CNBP: variants seen among roughly 807,000 people sequenced by gnomAD.
CNBP encodes the protein CCHC-type zinc finger nucleic acid binding protein.
In CNBP, 6 loss-of-function variants were observed where a neutral mutation model predicts 21.2. The ratio of observed to expected loss-of-function variants is 0.28; its 90% CI spans 0.16 to 0.56. CNBP has a LOEUF of 0.56. CNBP is among the 20% of genes least tolerant of loss of function. CNBP has a pLI of 0.93. For missense variants in CNBP, 112 were observed against 233.1 expected (o/e 0.48, Z 3.38); for synonymous variants, 61 against 74.9 (o/e 0.81, Z 0.96).
rs1239099805 is a variant in CNBP at position 129,171,699 on chromosome 3, G to A, written c.59C>T (p.Pro20Leu). ...GRSGHWARECPTGGGRGRGMR... is the reference protein window; with the variant it reads ...GRSGHWARECLTGGGRGRGMR... The stretch of plus-strand genomic sequence containing the variant: ...TCCACGACCACGGCCTCCACCAGTA[G>A]GACATTCCCGGGCCCAGTGGCCAGA... Residue 20 changes from proline (P) to leucine (L), a missense_variant, in exon 2 of 5, where the codon CCT becomes CTT. By Grantham distance (98) the Pro-to-Leu change is moderately conservative. Transcript: ENST00000422453. 3.1e-6 allele frequency: 5 copies of A among 1,614,138 alleles called. No homozygotes were observed. In the South Asian group the frequency reaches 4.4e-5, roughly 14 times the overall value.
intron 1 of CNBP, among the ~76,000 whole-genome samples, chr3:129,179,099 G>A (rs1166531738): frequency 6.6e-6 from 1 of 151,876 alleles, no homozygotes; most frequent in East Asian, 1.9e-4. Context: ...CCAACATGGA[G>A]AAATCCCGTC....
intron 1 of CNBP, among the ~76,000 whole-genome samples, chr3:129,172,489 G>C (rs1354148665): frequency 6.6e-6 from 1 of 152,204 alleles, no homozygotes; most frequent in Non-Finnish European, 1.5e-5. Context: ...GGCTGAGGCA[G>C]AAGAATCGCT....
intron 1 of CNBP, among the ~76,000 whole-genome samples, chr3:129,174,349 T>A (rs1420992915): frequency 2.5e-3 from 159 of 63,168 alleles, no homozygotes; most frequent in Non-Finnish European, 2.9e-3. Context: ...GAGTCAGAAT[T>A]AAAAAAAAAA....
chr3:129,170,300 G>GT lies in CNBP; in HGVS notation c.*152dup. 1 of 667,200 alleles carries GT rather than the reference G, an allele frequency of 1.5e-6. No individual in the cohort carries two copies. The allele number at this position is 667,200 out of a possible 1,614,324, so 41.3% of individuals were successfully genotyped here. A position where few individuals can be genotyped will look rare whatever the true frequency, so the allele number is the denominator to read the frequency against. ...TTTTGTAGTTAAATGCAGAAAGTCG[G>GT]TTTTTTTCCACCCCTTTCCTCCTTT... On this transcript the variant is annotated 3_prime_UTR_variant, in exon 5 of 5. Transcript: ENST00000422453.
chr3:129,181,027 G>A lies in CNBP; in HGVS notation c.-15+2749C>T, dbSNP rs557997951. On this transcript the variant is annotated intron_variant, in intron 1 of 4. Coordinates refer to ENST00000422453, the MANE Select transcript of CNBP (RefSeq NM_003418.5). ...GGCCGAGGCGGGTGAATTACCTGAG[G>A]TCAGGAGATCAAGACCAGCCTGGCC... 5.4e-4 allele frequency among the ~76,000 whole-genome samples: 82 copies of A among 151,364 alleles called. 1 individual carries two copies. The highest frequency in any genetic ancestry group is 2.0e-3 in the African/African-American group (81 of 41,280).
chr3:129,171,120 G>C lies in CNBP; in HGVS notation c.375C>G (p.Phe125Leu). 1 of 1,614,072 alleles carries C rather than the reference G, an allele frequency of 6.2e-7. No individual in the cohort carries two copies. Among genetic ancestry groups the C allele is most frequent in the Admixed American group, 1.7e-5 (1 of 60,010 alleles). ...DEQKCYSCGEFGHIQKDCTKV... is the reference protein window; with the variant it reads ...DEQKCYSCGELGHIQKDCTKV... ...TGGTGCAGTCTTTTTGAATGTGTCC[G>C]AATTCTCCACAAGAATAGCATTTCT... Residue 125 changes from phenylalanine (F) to leucine (L), a missense_variant, in exon 4 of 5, where the codon TTC becomes TTG. Coordinates refer to ENST00000422453, the MANE Select transcript of CNBP (RefSeq NM_003418.5).
chr3:129,179,059 C>G (rs1938111758), intron 1 of CNBP, among the ~76,000 whole-genome samples: 1 of 152,036 alleles, frequency 6.6e-6, no homozygotes, highest in South Asian at 2.1e-4. Context: ...GGGTGGATCA[C>G]CAAAGGTCGG....
At position 129,183,851 on chromosome 3, in the gene CNBP, C is replaced by T. The variant is rs951994353; in HGVS notation, c.-90G>A. ...GGGAAGACGGCTCGCAAGGTAGAGG[C>T]TGTTTATTTTGAGGGTCCTTGCCTG... On this transcript the variant is annotated 5_prime_UTR_variant, in exon 1 of 5. Transcript: ENST00000422453. The T allele has an allele frequency of 3.3e-5, 5 of 152,864 alleles. No homozygotes were observed. The highest frequency in any genetic ancestry group is 5.9e-5 in the Non-Finnish European group (4 of 68,206). 9.5% of individuals were successfully genotyped at this position (152,864 alleles called of 1,614,324 possible). A position where few individuals can be genotyped will look rare whatever the true frequency, so the allele number is the denominator to read the frequency against.
intron 1 of CNBP, among the ~76,000 whole-genome samples, chr3:129,182,957 TG>T (rs1254181265): frequency 1.3e-5 from 2 of 151,860 alleles, no homozygotes; most frequent in Non-Finnish European, 2.9e-5. Flanking sequence ...TTTGTTTGTT[TG>T]TTTGTTTTTT....
At chr3:129,181,240 A>G (rs1273865839) in intron 1 of CNBP, among the ~76,000 whole-genome samples, 1 of 2,814 alleles carries the variant, frequency 3.6e-4, no homozygotes, top group Non-Finnish European at 1.7e-3. Flanking sequence ...ACTCTGTCTC[A>G]AAAAAAAAAA....
intron 4 of CNBP, 77 bp downstream of exon 4, chr3:129,171,002 C>T: frequency 7.0e-7 from 1 of 1,432,694 alleles, no homozygotes; most frequent in South Asian, 1.3e-5. Flanking sequence ...TTACTAAGGC[C>T]CTTCCATTTA....
intron 1 of CNBP, among the ~76,000 whole-genome samples, chr3:129,177,290 T>A (rs942309949): frequency 2.0e-5 from 3 of 152,228 alleles, no homozygotes; most frequent in Admixed American, 2.0e-4. Flanking sequence ...TGAAACCTGA[T>A]GTACGTATAC....
chr3:129,178,239 G>GT (rs1181159068), intron 1 of CNBP, among the ~76,000 whole-genome samples: 1 of 151,448 alleles, frequency 6.6e-6, no homozygotes, highest in Non-Finnish European at 1.5e-5. Flanking sequence ...ACTAAGAGGT[G>GT]TAACTATTTT....
chr3:129,183,121 T>A (rs917040896), intron 1 of CNBP, among the ~76,000 whole-genome samples: 2 of 152,060 alleles, frequency 1.3e-5, no homozygotes, highest in African/African-American at 4.8e-5. Flanking sequence ...CGGCTAATTT[T>A]TTATTTTTAG....
chr3:129,172,687 G>GACAC (rs1187373246), intron 1 of CNBP, among the ~76,000 whole-genome samples: 16 of 94,198 alleles, frequency 1.7e-4, no homozygotes, highest in Middle Eastern at 4.6e-3. Context: ...CAGACAGACA[G>GACAC]ACAGACAGAC....
Position 129,170,293 on chromosome 3 carries a change from A to G in CNBP, c.*160T>C, listed in dbSNP as rs1937544303. The G allele has an allele frequency of 1.6e-6, 1 of 643,186 alleles. No individual in the cohort carries two copies. 39.8% of individuals were successfully genotyped at this position (643,186 alleles called of 1,614,324 possible). A position where few individuals can be genotyped will look rare whatever the true frequency, so the allele number is the denominator to read the frequency against. On this transcript the variant is annotated 3_prime_UTR_variant, in exon 5 of 5. Transcript: ENST00000422453. Reference sequence around the variant, plus strand: ...AAACTTTTTTTGTAGTTAAATGCAGAAAGTCGGTTTTTTTCCACCCCTTTC... The same window carrying G: ...AAACTTTTTTTGTAGTTAAATGCAGGAAGTCGGTTTTTTTCCACCCCTTTC...
At chr3:129,181,517 G>T (rs184405683) in intron 1 of CNBP, among the ~76,000 whole-genome samples, 1 of 151,254 alleles carries the variant, frequency 6.6e-6, no homozygotes, top group Non-Finnish European at 1.5e-5. Flanking sequence ...TGGGTGTGGC[G>T]GCGGGCGCCT....
intron 1 of CNBP, among the ~76,000 whole-genome samples, chr3:129,177,542 C>T (rs563962244): frequency 4.0e-4 from 61 of 152,326 alleles, no homozygotes; most frequent in South Asian, 2.1e-3. Flanking sequence ...CATATTCCTT[C>T]CACTTTCGCC....
intron 3 of CNBP, 77 bp from the exon 4 acceptor site, chr3:129,171,354 A>G: frequency 1.9e-6 from 3 of 1,602,102 alleles, no homozygotes; most frequent in Non-Finnish European, 2.6e-6. Flanking sequence ...TATACAATAC[A>G]AAACCTCAAA....
Sources: allele counts gnomAD v4.1 joint callset (sites outside exome capture counted in the v4.1 genomes callset), GRCh38; gene constraint gnomAD v4.1.1; transcripts MANE v1.5; gene names NCBI Gene and HGNC (gene_info 2026-07-23, HGNC 2026-07-21).